NLRP13: variants seen among roughly 807,000 people sequenced by gnomAD.
NLRP13 encodes NLR family pyrin domain containing 13, also known as NACHT, LRR and PYD domains-containing protein 13.
A neutral mutation model predicts 94.4 loss-of-function variants in NLRP13; 82 were observed. That is an observed-to-expected ratio of 0.87 (90% confidence interval 0.73 to 1.04). The LOEUF (loss-of-function observed/expected upper bound fraction) is 1.04, where lower values mean the gene tolerates loss of function less well. NLRP13 is among the 50% of genes least tolerant of loss of function. The probability of loss-of-function intolerance (pLI) is 0.00; values close to 1 mark genes in which losing one functional copy is unlikely to be tolerated. For synonymous variants in NLRP13, 553 were observed against 464.7 expected, an observed-to-expected ratio of 1.19 and a Z score of -2.45; for missense variants, 1,426 against 1,230.8, an observed-to-expected ratio of 1.16 and a Z score of -2.37.
At chr19:55,901,843 T>A (rs1600260298) in intron 9 of NLRP13, among the ~76,000 whole-genome samples, 192 bp downstream of exon 9, 1 of 151,608 alleles carries the variant, frequency 6.6e-6, no homozygotes, top group African/African-American at 2.4e-5. Flanking sequence ...GGTCTCGAGG[T>A]CCCCCAGACA....
chr19:55,892,156 T>C (rs1985868333), downstream of NLRP13: 6 of 1,230,000 alleles, frequency 4.9e-6, no homozygotes, highest in South Asian at 2.5e-4. Flanking sequence ...TTAGAAGCAG[T>C]GAAGAAGTTT....
chr19:55,905,042 CG>C lies in NLRP13; in HGVS notation c.2517del (p.His839GlnfsTer2). On this transcript the variant is annotated frameshift_variant, in exon 8 of 11. Coordinates refer to ENST00000342929, the MANE Select transcript of NLRP13 (RefSeq NM_176810.2). LOFTEE classifies it high-confidence loss of function. ...TTAAATCCCAGGCACAATCGAGTTA[CG>C]TGTTGGATGCTGGTGAGAAACAAGG... ...DLALFLTSIQ[H>X]VTRLCLGFNR... 6.2e-7 allele frequency: 1 copy of C among 1,613,644 alleles called. No homozygotes were observed. Among genetic ancestry groups the C allele is most frequent in the Non-Finnish European group, 8.5e-7 (1 of 1,179,936 alleles).
In NLRP13 at chr19:55,932,091, T is replaced by G; in HGVS notation, c.221A>C (p.Glu74Ala). The G allele has an allele frequency of 6.2e-7, 1 of 1,614,142 alleles. No homozygotes were observed. The highest frequency in any genetic ancestry group is 2.2e-5 in the East Asian group (1 of 44,870). The change falls in exon 1 of 11, where the codon GAA becomes GCA. Residue 74 changes from glutamate (E) to alanine (A), a missense_variant. By Grantham distance (107) the Glu-to-Ala change is moderately radical. Coordinates refer to ENST00000342929, the MANE Select transcript of NLRP13 (RefSeq NM_176810.2). Reference protein sequence around the residue: ...DPLNLSFLLDEHFPKGQAWKV... With the variant: ...DPLNLSFLLDAHFPKGQAWKV... ...CCATGCCTGACCTTTTGGGAAGTGT[T>G]CATCCAAAAGAAAGGACAGATTCAA...
chr19:55,911,626 C>G, intron 5 of NLRP13, 80 bp downstream of exon 5: 2 of 1,316,406 alleles, frequency 1.5e-6, no homozygotes, highest in Non-Finnish European at 2.1e-6. Context: ...ACAACACATC[C>G]CTGGTTTTGC....
chr19:55,901,452 C>A (rs772242124), intron 9 of NLRP13, among the ~76,000 whole-genome samples: 1 of 151,832 alleles, frequency 6.6e-6, no homozygotes, highest in Non-Finnish European at 1.5e-5. Flanking sequence ...AAGTCGTCTG[C>A]GATGAGCTGG....
chr19:55,931,226 A>C (rs1215654337), intron 1 of NLRP13, among the ~76,000 whole-genome samples: 1 of 152,096 alleles, frequency 6.6e-6, no homozygotes, highest in East Asian at 1.9e-4. Context: ...GCCTGTGTGC[A>C]TTGTGTACAA....
intron 4 of NLRP13, among the ~76,000 whole-genome samples, chr19:55,918,238 A>G (rs1986719946): frequency 7.2e-6 from 1 of 139,194 alleles, no homozygotes; most frequent in Admixed American, 7.3e-5. Flanking sequence ...ACATATCAAA[A>G]CCTCTGTGAT....
intron 4 of NLRP13, among the ~76,000 whole-genome samples, chr19:55,915,834 C>G (rs866296014): frequency 3.3e-5 from 5 of 152,116 alleles, no homozygotes; most frequent in South Asian, 2.1e-4. Context: ...ACAGACCAGC[C>G]CATTGCCTGA....
intron 7 of NLRP13, among the ~76,000 whole-genome samples, chr19:55,906,180 T>C (rs1288521453): frequency 6.6e-6 from 1 of 151,160 alleles, no homozygotes; most frequent in African/African-American, 2.4e-5. Context: ...TGTACTAAAA[T>C]TACAAAAATT....
At chr19:55,908,543 C>T (rs2868046) in intron 6 of NLRP13, among the ~76,000 whole-genome samples, 111,793 of 152,006 alleles carry the variant, frequency 0.74, 41,510 homozygotes, top group African/African-American at 0.83. Flanking sequence ...AATGATGGAC[C>T]AAACAAAGAA....
intron 1 of NLRP13, among the ~76,000 whole-genome samples, chr19:55,927,573 T>C (rs1403328980): frequency 2.0e-5 from 3 of 151,878 alleles, no homozygotes; most frequent in Non-Finnish European, 4.4e-5. Context: ...AGGGTGTGTG[T>C]GTAGTGAGGT....
At chr19:55,914,824 T>C (rs993490665) in intron 4 of NLRP13, among the ~76,000 whole-genome samples, 1 of 152,246 alleles carries the variant, frequency 6.6e-6, no homozygotes. Context: ...CATTCATCTG[T>C]TGATGGATAC....
rs749466184 is a variant in NLRP13, at chr19:55,912,277, C to T, written c.1540G>A (p.Asp514Asn). Reference sequence around the variant, plus strand: ...AGAATATTGAACTCGTAGAGAGAATCAATGAAAGGCACTTCCAGGCCCTCG... The same window carrying T: ...AGAATATTGAACTCGTAGAGAGAATTAATGAAAGGCACTTCCAGGCCCTCG... The part of the protein sequence containing the change: ...EIEGLEVPFI[D>N]SLYEFNILQK... The change falls in exon 5 of 11, where the codon GAT becomes AAT. Residue 514 changes from aspartate to asparagine, a missense_variant. Asp to Asn is a conservative substitution (Grantham distance 23). Coordinates refer to ENST00000342929, the MANE Select transcript of NLRP13 (RefSeq NM_176810.2). The T allele has an allele frequency of 4.3e-6, 7 of 1,613,986 alleles. No homozygotes were observed. Among genetic ancestry groups the T allele is most frequent in the Middle Eastern group, 3.3e-4 (2 of 6,084 alleles).
chr19:55,901,033 A>T (rs1986154836), intron 9 of NLRP13, among the ~76,000 whole-genome samples: 1 of 152,098 alleles, frequency 6.6e-6, no homozygotes, highest in South Asian at 2.1e-4. Context: ...CTCAGTAAAA[A>T]CTCTGGGCTC....
Position 55,902,026 on chromosome 19 carries a change from A to G in NLRP13, c.2789+9T>C. On this transcript the variant is annotated intron_variant, in intron 9 of 10. Coordinates refer to ENST00000342929, the MANE Select transcript of NLRP13 (RefSeq NM_176810.2). Reference sequence around the variant, plus strand: ...ATCTGCCAACTCAGAGGGAGCCAAGAAAACTTACTTCAGGCTCTGCAGGTT... The same window carrying G: ...ATCTGCCAACTCAGAGGGAGCCAAGGAAACTTACTTCAGGCTCTGCAGGTT... 6.2e-7 allele frequency: 1 copy of G among 1,613,656 alleles called. No individual in the cohort carries two copies. Among genetic ancestry groups the G allele is most frequent in the Non-Finnish European group, 8.5e-7 (1 of 1,179,688 alleles).
intron 3 of NLRP13, 84 bp from the exon 4 acceptor site, chr19:55,924,063 C>T: frequency 9.7e-7 from 1 of 1,033,552 alleles, no homozygotes; most frequent in Non-Finnish European, 1.5e-6. Flanking sequence ...GTAGAACCAA[C>T]TCTTTCTATG....
chr19:55,917,978 G>A lies in NLRP13; in HGVS notation c.524-4685C>T, dbSNP rs1312083493. ...ATATATATTCTTCTCATCAGTGCAT[G>A]GAACATTCCTTGAAATAGACCGTAT... On this transcript the variant is annotated intron_variant, in intron 4 of 10. Coordinates refer to ENST00000342929, the MANE Select transcript of NLRP13 (RefSeq NM_176810.2). 3.3e-5 allele frequency among the ~76,000 whole-genome samples: 5 copies of A among 151,874 alleles called. 1 individual carries two copies. Among genetic ancestry groups the A allele is most frequent in the African/African-American group, 1.2e-4 (5 of 41,392 alleles).
At chr19:55,921,370 G>A (rs747540036) in intron 4 of NLRP13, among the ~76,000 whole-genome samples, 2 of 152,166 alleles carry the variant, frequency 1.3e-5, no homozygotes, top group South Asian at 4.1e-4. Flanking sequence ...TTTTGTTACA[G>A]CCTTTTAGAG....
chr19:55,917,357 A>G (rs1349101334), intron 4 of NLRP13, among the ~76,000 whole-genome samples: 1 of 152,112 alleles, frequency 6.6e-6, no homozygotes, highest in African/African-American at 2.4e-5. Context: ...ATCAAATCAC[A>G]AAGAAAAAGA....
Sources: allele counts gnomAD v4.1 joint callset (sites outside exome capture counted in the v4.1 genomes callset), GRCh38; gene constraint gnomAD v4.1.1; transcripts MANE v1.5; gene names NCBI Gene and HGNC (gene_info 2026-07-23, HGNC 2026-07-21).